Variants in RBFOX2 observed in about 807,000 individuals in gnomAD.
The protein encoded by RBFOX2 is RNA binding protein fox-1 homolog 2.
A neutral mutation model predicts 49.1 loss-of-function variants in RBFOX2; 10 were observed. That is an observed-to-expected ratio of 0.20 (90% CI 0.13 to 0.35). The LOEUF (loss-of-function observed/expected upper bound fraction) is 0.35. Among genes scored for constraint, RBFOX2 ranks in the 10% least tolerant of loss-of-function variants. RBFOX2 has a pLI of 1.00. For missense variants in RBFOX2, 323 were observed against 486.9 expected (o/e 0.66, Z 3.17); for synonymous variants, 183 against 187.4 (o/e 0.98, Z 0.19).
chr22:35,984,040 C>A (rs1217156690), intron 1 of RBFOX2, among the ~76,000 whole-genome samples: 1 of 152,044 alleles, frequency 6.6e-6, no homozygotes, highest in Non-Finnish European at 1.5e-5. Flanking sequence ...TCTTCAATTA[C>A]CTAATCTTCT....
chr22:35,977,787 T>C (rs1244900557), intron 1 of RBFOX2, among the ~76,000 whole-genome samples: 1 of 140,904 alleles, frequency 7.1e-6, no homozygotes, highest in East Asian at 2.1e-4. Context: ...CATATACATA[T>C]GTGTATACGT....
At chr22:35,965,574 G>A (rs1404677957), upstream of RBFOX2, among the ~76,000 whole-genome samples, 1 of 152,168 alleles carries the variant, frequency 6.6e-6, no homozygotes, top group African/African-American at 2.4e-5. Context: ...GCCTTATTAG[G>A]TAGAATGAAA....
chr22:35,897,564 G>A, intron 1 of RBFOX2: 2 of 910,230 alleles, frequency 2.2e-6, no homozygotes. Context: ...CCACAGCAAA[G>A]ATGTACTTCA....
intron 1 of RBFOX2, chr22:35,821,916 G>T (rs1258853601): frequency 1.9e-6 from 1 of 519,002 alleles, no homozygotes. Context: ...GAAATGGGAG[G>T]AAACCATAAA....
At chr22:35,888,846 T>C (rs2046909666) in intron 1 of RBFOX2, among the ~76,000 whole-genome samples, 1 of 152,170 alleles carries the variant, frequency 6.6e-6, no homozygotes, top group Non-Finnish European at 1.5e-5. Context: ...CTTTAAAACC[T>C]AGTTCCCTGC....
intron 1 of RBFOX2, among the ~76,000 whole-genome samples, chr22:36,010,404 A>G (rs2058771535): frequency 6.6e-6 from 1 of 152,084 alleles, no homozygotes; most frequent in Non-Finnish European, 1.5e-5. Flanking sequence ...CGGGCCACAG[A>G]GACTGCGCGG....
intron 1 of RBFOX2, among the ~76,000 whole-genome samples, chr22:36,022,445 CTT>C (rs767606144): frequency 2.2e-4 from 33 of 152,214 alleles, no homozygotes; most frequent in Non-Finnish European, 3.2e-4. Flanking sequence ...AAGCTAATCT[CTT>C]GAGTCACCCT....
At chr22:35,795,220 T>C (rs1033284695) in intron 2 of RBFOX2, among the ~76,000 whole-genome samples, 3 of 152,088 alleles carry the variant, frequency 2.0e-5, no homozygotes, top group African/African-American at 7.2e-5. Flanking sequence ...TTATGTAGGC[T>C]CAATGTACCC....
chr22:35,889,338 T>G (rs1465203832), intron 1 of RBFOX2, among the ~76,000 whole-genome samples: 2 of 152,132 alleles, frequency 1.3e-5, no homozygotes, highest in Non-Finnish European at 2.9e-5. Flanking sequence ...TAGGTGGCCA[T>G]GTAAGCAATA....
chr22:35,741,689 GCA>G (rs908541426), exon 12 of RBFOX2: 8 of 152,870 alleles, frequency 5.2e-5, no homozygotes, highest in Non-Finnish European at 1.0e-4. Context: ...CCACTGGAAA[GCA>G]CAGAGCTTGC....
chr22:35,824,811 A>T (rs562274485), intron 1 of RBFOX2, among the ~76,000 whole-genome samples: 1 of 152,368 alleles, frequency 6.6e-6, no homozygotes, highest in Admixed American at 6.5e-5. Context: ...GGCATACTTT[A>T]AAAAAGCATA....
chr22:35,919,464 C>T (rs1158868050), intron 1 of RBFOX2, among the ~76,000 whole-genome samples: 1 of 150,460 alleles, frequency 6.6e-6, no homozygotes, highest in Non-Finnish European at 1.5e-5. Flanking sequence ...ACCTGGGAGG[C>T]GGAGGTTGCA....
chr22:35,978,550 G>C (rs974866051), intron 1 of RBFOX2, among the ~76,000 whole-genome samples: 4 of 152,086 alleles, frequency 2.6e-5, no homozygotes, highest in African/African-American at 9.7e-5. Context: ...GGCTTTGGTA[G>C]GAAAAGTACA....
intron 1 of RBFOX2, among the ~76,000 whole-genome samples, chr22:36,023,303 AGCT>A (rs1029738167): frequency 5.3e-5 from 8 of 152,206 alleles, no homozygotes; most frequent in African/African-American, 1.9e-4. Context: ...TACTAGAATC[AGCT>A]GCTAATAGGA....
At chr22:35,894,116 T>C (rs2047561258) in intron 1 of RBFOX2, among the ~76,000 whole-genome samples, 1 of 152,128 alleles carries the variant, frequency 6.6e-6, no homozygotes, top group African/African-American at 2.4e-5. Context: ...AGAAAGTTTC[T>C]CTCCATCCCA....
chr22:36,005,292 G>A (rs1009714911), intron 1 of RBFOX2, among the ~76,000 whole-genome samples: 1 of 152,266 alleles, frequency 6.6e-6, no homozygotes, highest in East Asian at 1.9e-4. Context: ...CTGGATAATC[G>A]TGAAAGCACA....
chr22:35,752,671 G>A, intron 9 of RBFOX2: 2 of 981,760 alleles, frequency 2.0e-6, no homozygotes, highest in Non-Finnish European at 2.4e-6. Context: ...ACAGAACACA[G>A]GAAGAGCAGT....
intron 1 of RBFOX2, among the ~76,000 whole-genome samples, chr22:35,930,485 A>G (rs2052262281): frequency 6.6e-6 from 1 of 152,124 alleles, no homozygotes; most frequent in African/African-American, 2.4e-5. Context: ...ATCAATAAAT[A>G]TTGATTTGAC....
chr22:36,020,131 A>G (rs1466925470), intron 1 of RBFOX2, among the ~76,000 whole-genome samples: 1 of 152,250 alleles, frequency 6.6e-6, no homozygotes, highest in East Asian at 1.9e-4. Context: ...AACCTGACAA[A>G]AAACAAGAAA....
Sources: allele counts gnomAD v4.1 joint callset (sites outside exome capture counted in the v4.1 genomes callset), GRCh38; gene constraint gnomAD v4.1.1; transcripts MANE v1.5; gene names NCBI Gene and HGNC (gene_info 2026-07-23, HGNC 2026-07-21).